SEC22A: variants seen among roughly 807,000 people sequenced by gnomAD.
SEC22A encodes SEC22 homolog A, vesicle trafficking protein, also known as vesicle-trafficking protein SEC22a.
Under a neutral mutation model 35.3 loss-of-function variants are expected in SEC22A, and 22 were observed. That is an observed-to-expected ratio of 0.62 (90% confidence interval 0.45 to 0.89). The LOEUF is 0.89. Among genes scored for constraint, SEC22A ranks in the 40% least tolerant of loss-of-function variants. SEC22A has a pLI of 0.00. For missense variants in SEC22A, 354 were observed against 362.5 expected, an observed-to-expected ratio of 0.98 and a Z score of 0.19; for synonymous variants, 119 against 129.5, an observed-to-expected ratio of 0.92 and a Z score of 0.55.
Position 123,271,604 on chromosome 3 carries a change from ATC to A in SEC22A, c.810_811del (p.Tyr271Ter), listed in dbSNP as rs746975235. Reference sequence around the variant, plus strand: ...GGCTTAATCTGTCTATGCAACATGTATCTCTATGAACTGCGCAACCTCTGGCA... The same window carrying A: ...GGCTTAATCTGTCTATGCAACATGTATCTATGAACTGCGCAACCTCTGGCA... On this transcript the variant is annotated frameshift_variant, in exon 7 of 7. Transcript: ENST00000492595. LOFTEE classifies it high-confidence loss of function. 2 of 1,614,188 alleles carry A rather than the reference ATC, an allele frequency of 1.2e-6. No individual in the cohort carries two copies. The highest frequency in any genetic ancestry group is 1.7e-6 in the Non-Finnish European group (2 of 1,180,028).
At chr3:123,264,496 TC>T (rs1419101694) in intron 6 of SEC22A, among the ~76,000 whole-genome samples, 1 of 82,674 alleles carries the variant, frequency 1.2e-5, no homozygotes, top group Non-Finnish European at 4.0e-5. Flanking sequence ...TTTTAGCCAC[TC>T]TTTTAAGTGT....
At chr3:123,233,280 T>C (rs1184272338) in intron 4 of SEC22A, among the ~76,000 whole-genome samples, 2 of 152,212 alleles carry the variant, frequency 1.3e-5, no homozygotes, top group South Asian at 2.1e-4. Context: ...GTTACAGTAG[T>C]CTACAGTAGC....
At chr3:123,260,919 T>C (rs990792257) in intron 6 of SEC22A, among the ~76,000 whole-genome samples, 1 of 150,782 alleles carries the variant, frequency 6.6e-6, no homozygotes, top group Admixed American at 6.6e-5. Flanking sequence ...CACTGCAAGC[T>C]CCGCCTCCCA....
chr3:123,208,125 A>G (rs1178960298), intron 1 of SEC22A, among the ~76,000 whole-genome samples: 1 of 152,186 alleles, frequency 6.6e-6, no homozygotes, highest in East Asian at 1.9e-4. Context: ...TGTTTGTGTA[A>G]AACAACATTT....
At chr3:123,208,373 T>A (rs1936883659) in intron 1 of SEC22A, 1 of 152,242 alleles carries the variant, frequency 6.6e-6, no homozygotes, top group African/African-American at 2.4e-5. Flanking sequence ...TCAAGACAGG[T>A]ATATATTTAA....
Position 123,225,369 on chromosome 3 carries a change from A to T in SEC22A, c.541+72A>T, listed in dbSNP as rs552919569. 9.3e-5 allele frequency: 83 copies of T among 892,438 alleles called. No homozygotes were observed. In the East Asian group the frequency reaches 2.0e-3, roughly 22 times the overall value. The allele number at this position is 892,438 out of a possible 1,614,324, so 55.3% of individuals were successfully genotyped here. On this transcript the variant is annotated intron_variant, in intron 4 of 6. Coordinates refer to ENST00000492595, the MANE Select transcript of SEC22A (RefSeq NM_012430.5). ...AAAACTGAGAAACTCTTGAAAATGA[A>T]TTACTTTATTCTAATATTTTAAATC...
chr3:123,224,221 A>C (rs146491569), intron 3 of SEC22A, among the ~76,000 whole-genome samples: 66 of 152,072 alleles, frequency 4.3e-4, no homozygotes, highest in African/African-American at 1.5e-3. Context: ...AGCAGGCTAG[A>C]TTTGGCCTGT....
At chr3:123,222,755 T>C (rs2108045968) in intron 2 of SEC22A, among the ~76,000 whole-genome samples, 1 of 152,324 alleles carries the variant, frequency 6.6e-6, no homozygotes, top group African/African-American at 2.4e-5. Context: ...AGGAGTTACC[T>C]AGTTTCTACT....
At chr3:123,271,462 A>G in intron 6 of SEC22A, 60 bp from the exon 7 acceptor site, 1 of 1,400,820 alleles carries the variant, frequency 7.1e-7, no homozygotes. Flanking sequence ...ATTTTATATT[A>G]GAAACATCTG....
Position 123,273,336 on chromosome 3 carries a change from T to C in SEC22A, c.*1614T>C, listed in dbSNP as rs1938214733. 6.6e-6 allele frequency: 1 copy of C among 152,198 alleles called. No individual in the cohort carries two copies. The highest frequency in any genetic ancestry group is 6.5e-5 in the Admixed American group (1 of 15,284). The allele number at this position is 152,198 out of a possible 1,614,324, so 9.4% of individuals were successfully genotyped here. A position where few individuals can be genotyped will look rare whatever the true frequency, so the allele number is the denominator to read the frequency against. Reference sequence around the variant, plus strand: ...TGAGGTAAAAGGAAGACAATAAGCTTATGATATCAGGGATTCATGTAAAAC... The same window carrying C: ...TGAGGTAAAAGGAAGACAATAAGCTCATGATATCAGGGATTCATGTAAAAC... On this transcript the variant is annotated 3_prime_UTR_variant, in exon 7 of 7. Transcript: ENST00000492595.
chr3:123,260,169 A>AAC lies in SEC22A; in HGVS notation c.723+580_723+581insAC, dbSNP rs1559763879. Among the ~76,000 whole-genome samples the AAC allele has an allele frequency of 3.9e-4, 45 of 114,758 alleles. 4 individuals are homozygous for AAC. Among genetic ancestry groups the AAC allele is most frequent in the African/African-American group, 1.5e-3 (43 of 28,684 alleles). The allele number at this position is 114,758 out of a possible 152,430, so 75.3% of individuals were successfully genotyped here. ...AAAAAAAAAAAAAAAAAAAAAAAAA[A>AAC]CTACTAGATTTTCTGGTGGTTGATT... On this transcript the variant is annotated intron_variant, in intron 6 of 6. Coordinates refer to ENST00000492595, the MANE Select transcript of SEC22A (RefSeq NM_012430.5).
At chr3:123,232,678 C>G (rs561645663) in intron 4 of SEC22A, among the ~76,000 whole-genome samples, 110 of 152,242 alleles carry the variant, frequency 7.2e-4, no homozygotes, top group African/African-American at 2.4e-3. Context: ...GCAACACTGT[C>G]TCTACAAAAA....
At chr3:123,247,990 A>G (rs1214551560) in intron 5 of SEC22A, among the ~76,000 whole-genome samples, 2 of 152,196 alleles carry the variant, frequency 1.3e-5, no homozygotes, top group African/African-American at 4.8e-5. Flanking sequence ...CAGAAAAAGC[A>G]TTTGACAAAA....
rs766803719 is a variant in SEC22A at position 123,246,018 on chromosome 3, C to A, written c.657+4C>A. The stretch of plus-strand genomic sequence containing the variant: ...TGCTATAGAAAGTCTCCTGCAGGTA[C>A]TGTGCTATTTTTGCAATTTCAGGTG... On this transcript the variant is annotated splice_donor_region_variant and intron_variant, in intron 5 of 6. Transcript: ENST00000492595. The A allele has an allele frequency of 6.4e-7, 1 of 1,557,796 alleles. No homozygotes were observed. Among genetic ancestry groups the A allele is most frequent in the South Asian group, 1.1e-5 (1 of 88,758 alleles).
chr3:123,230,373 A>G (rs1198776674), intron 4 of SEC22A, among the ~76,000 whole-genome samples: 3 of 152,158 alleles, frequency 2.0e-5, no homozygotes. Context: ...CCAGAAAGAT[A>G]AGATAAATAT....
intron 5 of SEC22A, among the ~76,000 whole-genome samples, chr3:123,253,805 TGTG>T (rs1396768288): frequency 6.6e-6 from 1 of 151,466 alleles, no homozygotes; most frequent in Non-Finnish European, 1.5e-5. Context: ...TATGCTAAGG[TGTG>T]GTGCTTACTT....
At chr3:123,265,468 T>G (rs1938005813) in intron 6 of SEC22A, among the ~76,000 whole-genome samples, 1 of 143,836 alleles carries the variant, frequency 7.0e-6, no homozygotes, top group South Asian at 2.2e-4. Context: ...TCCCAGTCAG[T>G]TTTTTTTTTT....
chr3:123,244,531 C>A (rs1446301484), intron 4 of SEC22A, among the ~76,000 whole-genome samples: 1 of 151,978 alleles, frequency 6.6e-6, no homozygotes, highest in East Asian at 1.9e-4. Flanking sequence ...TGTCATATTA[C>A]AATATCAAGG....
chr3:123,266,390 G>A (rs1050418299), intron 6 of SEC22A, among the ~76,000 whole-genome samples: 1 of 151,988 alleles, frequency 6.6e-6, no homozygotes, highest in East Asian at 1.9e-4. Flanking sequence ...GATTGGTTGA[G>A]AATTTTCTTT....
Sources: allele counts gnomAD v4.1 joint callset (sites outside exome capture counted in the v4.1 genomes callset), GRCh38; gene constraint gnomAD v4.1.1; transcripts MANE v1.5; gene names NCBI Gene and HGNC (gene_info 2026-07-23, HGNC 2026-07-21).